The following CTIF variants were observed in gnomAD, a reference collection of about 807,000 sequenced individuals.
CTIF encodes cap binding complex dependent translation initiation factor, also known as CBP80/20-dependent translation initiation factor.
In CTIF, 21 loss-of-function variants were observed where a neutral mutation model predicts 66.0. The observed-to-expected ratio is 0.32, with a 90% confidence interval of 0.23 to 0.46. The LOEUF is 0.46. Among genes scored for constraint, CTIF ranks in the 20% least tolerant of loss-of-function variants. The pLI is 1.00. For missense variants in CTIF, 739 were observed against 812.7 expected, an observed-to-expected ratio of 0.91 and a Z score of 1.10; for synonymous variants, 345 against 326.4, an observed-to-expected ratio of 1.06 and a Z score of -0.62.
chr18:48,663,699 C>A, intron 3 of CTIF, 53 bp from the exon 4 acceptor site: 1 of 1,558,032 alleles, frequency 6.4e-7, no homozygotes, highest in Non-Finnish European at 8.9e-7. Context: ...CCCGTGTTCT[C>A]AGCATCCTGG....
intron 1 of CTIF, among the ~76,000 whole-genome samples, chr18:48,543,138 T>TGG (rs1160449935): frequency 6.6e-6 from 1 of 152,244 alleles, no homozygotes; most frequent in African/African-American, 2.4e-5. Context: ...ATTTCTGTTT[T>TGG]GGGCTCCATT....
At chr18:48,678,082 C>T (rs756188040) in intron 6 of CTIF, among the ~76,000 whole-genome samples, 4 of 152,062 alleles carry the variant, frequency 2.6e-5, no homozygotes, top group East Asian at 1.9e-4. Context: ...TAAGGAGGGA[C>T]GATGAGGAGG....
chr18:48,833,404 A>T (rs6507871), intron 10 of CTIF, among the ~76,000 whole-genome samples: 65,732 of 151,594 alleles, frequency 0.43, 17,688 homozygotes, highest in African/African-American at 0.73. Flanking sequence ...GAGTACAGAT[A>T]GTGTGGGCTC....
intron 6 of CTIF, among the ~76,000 whole-genome samples, chr18:48,698,304 G>T (rs995334099): frequency 6.6e-6 from 1 of 151,906 alleles, no homozygotes; most frequent in African/African-American, 2.4e-5. Flanking sequence ...CGCAGGAGAT[G>T]CCCCGGCTGC....
chr18:48,587,169 C>T (rs977405783), intron 1 of CTIF, among the ~76,000 whole-genome samples: 1 of 151,740 alleles, frequency 6.6e-6, no homozygotes. Flanking sequence ...ACAACCTCCA[C>T]CTCTCAGGTT....
intron 1 of CTIF, among the ~76,000 whole-genome samples, chr18:48,568,619 G>T: frequency 1.6e-5 from 1 of 63,342 alleles, no homozygotes; most frequent in Non-Finnish European, 3.5e-5. Flanking sequence ...AAATACCTGA[G>T]ACTGGGCAAT....
chr18:48,673,782 C>G (rs777123718), intron 6 of CTIF: 11 of 152,218 alleles, frequency 7.2e-5, no homozygotes, highest in Non-Finnish European at 1.6e-4. Context: ...TTTAAACTTT[C>G]TTAAAACATT....
In CTIF at chr18:48,860,644, A is replaced by C. The variant is rs938805522; in HGVS notation, c.*1085A>C. 2 of 152,236 alleles carry C rather than the reference A, an allele frequency of 1.3e-5. No homozygotes were observed. The highest frequency in any genetic ancestry group is 4.8e-5 in the African/African-American group (2 of 41,460). The allele number at this position is 152,236 out of a possible 1,614,324, so 9.4% of individuals were successfully genotyped here. ...AATTCTAGATGGTGTCTTGCGCTCC[A>C]CACGCAGGTCTTACTGGGGAAAAGG... On this transcript the variant is annotated 3_prime_UTR_variant, in exon 12 of 12. Coordinates refer to ENST00000256413, the MANE Select transcript of CTIF (RefSeq NM_014772.3).
intron 10 of CTIF, among the ~76,000 whole-genome samples, chr18:48,853,580 T>C (rs544547984): frequency 6.6e-6 from 1 of 152,292 alleles, no homozygotes; most frequent in South Asian, 2.1e-4. Context: ...CAAAACGATT[T>C]CTTTTCTGTG....
chr18:48,710,933 CAG>C (rs1247762674), intron 6 of CTIF, among the ~76,000 whole-genome samples: 1 of 152,150 alleles, frequency 6.6e-6, no homozygotes, highest in Non-Finnish European at 1.5e-5. Context: ...GTTTGTACCA[CAG>C]CTCTTCAGCC....
chr18:48,703,502 A>G (rs544667416), intron 6 of CTIF, among the ~76,000 whole-genome samples: 6 of 152,226 alleles, frequency 3.9e-5, no homozygotes, highest in Non-Finnish European at 8.8e-5. Context: ...GTGTCTGTAT[A>G]ATGCTTTCTT....
intron 1 of CTIF, among the ~76,000 whole-genome samples, chr18:48,542,918 G>T (rs1028518886): frequency 6.6e-6 from 1 of 152,176 alleles, no homozygotes; most frequent in Non-Finnish European, 1.5e-5. Flanking sequence ...CTGGCGACAC[G>T]GAGCTAAGGA....
chr18:48,570,154 C>A (rs570692971), intron 1 of CTIF, among the ~76,000 whole-genome samples: 1 of 152,076 alleles, frequency 6.6e-6, no homozygotes, highest in Non-Finnish European at 1.5e-5. Flanking sequence ...AGACAATAAC[C>A]ACTCCCAGAG....
At position 48,717,670 on chromosome 18, in the gene CTIF, T is replaced by A. The variant is rs578110483; in HGVS notation, c.584+5975T>A. Among the ~76,000 whole-genome samples the A allele has an allele frequency of 2.5e-3, 381 of 152,268 alleles. 1 individual carries two copies. Among genetic ancestry groups the A allele is most frequent in the African/African-American group, 9.0e-3 (373 of 41,546 alleles). On this transcript the variant is annotated intron_variant, in intron 7 of 11. Coordinates refer to ENST00000256413, the MANE Select transcript of CTIF (RefSeq NM_014772.3). ...TGAATTATATCTCAATTAAAAAAAA[T>A]TTAAAGAATAAGGCAGGTCCCAGGA...
chr18:48,574,617 A>G (rs2089489554), intron 1 of CTIF, among the ~76,000 whole-genome samples: 1 of 152,068 alleles, frequency 6.6e-6, no homozygotes, highest in African/African-American at 2.4e-5. Context: ...TCCTTTCAGC[A>G]TGGTGTTGTT....
chr18:48,716,065 A>G (rs2092278603), intron 7 of CTIF, among the ~76,000 whole-genome samples: 1 of 152,228 alleles, frequency 6.6e-6, no homozygotes, highest in Non-Finnish European at 1.5e-5. Context: ...CTGTCTGCAC[A>G]GCACTTCCAG....
At chr18:48,707,915 C>A (rs890386413) in intron 6 of CTIF, among the ~76,000 whole-genome samples, 25 of 152,146 alleles carry the variant, frequency 1.6e-4, no homozygotes, top group African/African-American at 6.0e-4. Flanking sequence ...ATCCACTTTC[C>A]ATCTCTGCAG....
At chr18:48,565,046 A>G (rs1378829615) in intron 1 of CTIF, 1 of 152,146 alleles carries the variant, frequency 6.6e-6, no homozygotes, top group African/African-American at 2.4e-5. Context: ...TATTAAGTCA[A>G]TTTCCTCCTT....
intron 9 of CTIF, among the ~76,000 whole-genome samples, chr18:48,764,943 C>T (rs1909379422): frequency 6.6e-6 from 1 of 152,186 alleles, no homozygotes; most frequent in Non-Finnish European, 1.5e-5. Context: ...CACAATGGCC[C>T]CCTGACTCCA....
Sources: gnomAD v4.1 joint callset for allele counts (sites outside exome capture counted in the v4.1 genomes callset) on GRCh38, gnomAD v4.1.1 for gene constraint, MANE v1.5 for transcripts, NCBI Gene and HGNC (gene_info 2026-07-23, HGNC 2026-07-21) for gene names.